The following RNF34 variants were observed in gnomAD, a reference collection of about 807,000 sequenced individuals.
RNF34 encodes the protein E3 ubiquitin-protein ligase RNF34.
RNF34 carries 12 observed loss-of-function variants against 37.9 expected under a neutral mutation model. The observed-to-expected ratio is 0.32, with a 90% confidence interval of 0.20 to 0.51. The LOEUF (loss-of-function observed/expected upper bound fraction) is 0.51, where lower values mean the gene tolerates loss of function less well. Ranked by LOEUF, RNF34 falls within the 20% of genes least tolerant of loss-of-function variation. The pLI is 0.97. For missense variants in RNF34, 362 were observed against 472.7 expected (o/e 0.77, Z 2.17); for synonymous variants, 155 against 177.2 (o/e 0.87, Z 1.00).
At chr12:121,400,455 C>T (rs1462795844) in intron 1 of RNF34, among the ~76,000 whole-genome samples, 1 of 152,212 alleles carries the variant, frequency 6.6e-6, no homozygotes, top group African/African-American at 2.4e-5. Context: ...GGGGAGAAGC[C>T]GGGCGTCCCT....
At chr12:121,405,415 G>C (rs1555280544) in intron 1 of RNF34, among the ~76,000 whole-genome samples, 1 of 151,960 alleles carries the variant, frequency 6.6e-6, no homozygotes, top group Non-Finnish European at 1.5e-5. Context: ...CTTGGCTACA[G>C]AGCTAAGGTT....
intron 1 of RNF34, 108 bp downstream of exon 1, chr12:121,400,326 C>G (rs1869849264): frequency 7.5e-7 from 1 of 1,329,760 alleles, no homozygotes; most frequent in Non-Finnish European, 1.0e-6. Context: ...GTCGTCATCT[C>G]GGAGAGCTGC....
chr12:121,402,693 A>G, intron 1 of RNF34: 5 of 1,213,058 alleles, frequency 4.1e-6, no homozygotes, highest in African/African-American at 1.5e-5. Flanking sequence ...TATCAAGGAG[A>G]AAGTAATCTA....
rs539519797 is a variant in RNF34, at chr12:121,423,238, A to G, written c.929-148A>G. 15 of 580,428 alleles carry G rather than the reference A, an allele frequency of 2.6e-5. No homozygotes were observed. In the South Asian group the frequency reaches 3.3e-4, roughly 13 times the overall value. 36.0% of individuals were successfully genotyped at this position (580,428 alleles called of 1,614,324 possible). On this transcript the variant is annotated intron_variant, in intron 5 of 5. Coordinates refer to ENST00000361234, the MANE Select transcript of RNF34 (RefSeq NM_025126.4). This position sits in a 1 kb window ranked among gnomAD's most constrained non-coding sequence, Gnocchi z 4.3. Reference sequence around the variant, plus strand: ...TAGTGGAGAGAACCAAAGTGCAGAGAAGTTGGGATTATTTCTTGTACAACA... The same window carrying G: ...TAGTGGAGAGAACCAAAGTGCAGAGGAGTTGGGATTATTTCTTGTACAACA...
At chr12:121,413,877 A>C (rs1394895156) in intron 1 of RNF34, among the ~76,000 whole-genome samples, 3 of 152,012 alleles carry the variant, frequency 2.0e-5, no homozygotes, top group Non-Finnish European at 4.4e-5. Flanking sequence ...GCCCGGCTTC[A>C]CCTGACTTTT....
chr12:121,412,126 A>G (rs1355793691), intron 1 of RNF34, among the ~76,000 whole-genome samples: 3 of 151,784 alleles, frequency 2.0e-5, no homozygotes, highest in African/African-American at 7.3e-5. Flanking sequence ...CAGTGGCGCA[A>G]TCTTGGCTCA....
At chr12:121,407,328 T>C (rs1593653107) in intron 1 of RNF34, among the ~76,000 whole-genome samples, 1 of 152,184 alleles carries the variant, frequency 6.6e-6, no homozygotes, top group Non-Finnish European at 1.5e-5. Flanking sequence ...TAATGGATGG[T>C]GACCCTTCCA....
intron 1 of RNF34, among the ~76,000 whole-genome samples, chr12:121,415,846 T>G (rs1321153648): frequency 6.7e-6 from 1 of 149,762 alleles, no homozygotes. Flanking sequence ...CAGTCTTTTT[T>G]TTTTTTTTTT....
intron 1 of RNF34, among the ~76,000 whole-genome samples, chr12:121,401,565 C>T (rs1555280024): frequency 6.6e-6 from 1 of 152,056 alleles, no homozygotes; most frequent in African/African-American, 2.4e-5. Flanking sequence ...CTAGAAGTAG[C>T]TTTATTTCCT....
intron 5 of RNF34, among the ~76,000 whole-genome samples, chr12:121,421,446 G>T (rs1555283392): frequency 6.7e-6 from 1 of 150,280 alleles, no homozygotes; most frequent in African/African-American, 2.4e-5. Flanking sequence ...CCAGCTACTT[G>T]GGAGGCTGAG....
At chr12:121,413,415 C>CTTTTTT (rs573738844) in intron 1 of RNF34, among the ~76,000 whole-genome samples, 1 of 130,694 alleles carries the variant, frequency 7.7e-6, no homozygotes, top group African/African-American at 3.2e-5. Flanking sequence ...TTTACCTGTC[C>CTTTTTT]TTTTTTTTTT....
chr12:121,415,284 C>A, intron 1 of RNF34: 1 of 379,660 alleles, frequency 2.6e-6, no homozygotes, highest in Non-Finnish European at 5.7e-6. Flanking sequence ...TATATTATAC[C>A]CAATTACAAA....
chr12:121,418,040 C>A, intron 3 of RNF34, 129 bp downstream of exon 3: 1 of 980,254 alleles, frequency 1.0e-6, no homozygotes, highest in Non-Finnish European at 1.5e-6. Flanking sequence ...CTTCCACACC[C>A]AGCTGAACTC....
Position 121,400,152 on chromosome 12 carries a change from G to A in RNF34, c.-61G>A. Reference sequence around the variant, plus strand: ...CCAGAGGGAAGGAGGTCGGCAGTGTGAGGAGCTGCTATGGTGCTGAGTTTC... The same window carrying A: ...CCAGAGGGAAGGAGGTCGGCAGTGTAAGGAGCTGCTATGGTGCTGAGTTTC... On this transcript the variant is annotated 5_prime_UTR_variant, in exon 1 of 6. Transcript: ENST00000361234. The A allele has an allele frequency of 1.3e-6, 2 of 1,589,260 alleles. No homozygotes were observed. Among genetic ancestry groups the A allele is most frequent in the Non-Finnish European group, 1.7e-6 (2 of 1,171,056 alleles).
In RNF34 at chr12:121,417,333, A is replaced by G. The variant is rs1871669775; in HGVS notation, c.226-171A>G. On this transcript the variant is annotated intron_variant, in intron 2 of 5. Coordinates refer to ENST00000361234, the MANE Select transcript of RNF34 (RefSeq NM_025126.4). The surrounding 1 kb of genome is among the most constrained non-coding windows in gnomAD (Gnocchi z 5.0). ...TGAATCCAGACTGCCTTGGCAATGA[A>G]TATTTTGATTTTCATGGCTTTTGAA... Among the ~76,000 whole-genome samples the G allele has an allele frequency of 6.6e-6, 1 of 152,224 alleles. No homozygotes were observed. The highest frequency in any genetic ancestry group is 6.5e-5 in the Admixed American group (1 of 15,286).
Position 121,418,022 on chromosome 12 carries a change from G to A in RNF34, c.633+111G>A, listed in dbSNP as rs571877949. 6.0e-6 allele frequency: 7 copies of A among 1,163,160 alleles called. No individual in the cohort carries two copies. In the African/African-American group the frequency reaches 1.1e-4, roughly 18 times the overall value. The allele number at this position is 1,163,160 out of a possible 1,614,324, so 72.1% of individuals were successfully genotyped here. A position where few individuals can be genotyped will look rare whatever the true frequency, so the allele number is the denominator to read the frequency against. On this transcript the variant is annotated intron_variant, in intron 3 of 5. Coordinates refer to ENST00000361234, the MANE Select transcript of RNF34 (RefSeq NM_025126.4). Reference sequence around the variant, plus strand: ...CTGATAAACTTCAAGTCATGTGCTGGAGTGAAGCTTCCACACCCAGCTGAA... The same window carrying A: ...CTGATAAACTTCAAGTCATGTGCTGAAGTGAAGCTTCCACACCCAGCTGAA...
At chr12:121,410,545 CA>C (rs59253955) in intron 1 of RNF34, among the ~76,000 whole-genome samples, 77,874 of 137,526 alleles carry the variant, frequency 0.57, 20,670 homozygotes, top group East Asian at 0.69. Flanking sequence ...TCAAAACCAC[CA>C]AAAAAAAAAA....
intron 3 of RNF34, 168 bp downstream of exon 3, chr12:121,418,079 T>G: frequency 1.4e-6 from 1 of 732,892 alleles, no homozygotes; most frequent in Non-Finnish European, 2.2e-6. Context: ...TGATGTATAG[T>G]GTCTGCTGAG....
chr12:121,416,216 A>G lies in RNF34; in HGVS notation c.64A>G (p.Thr22Ala). The change falls in exon 2 of 6, where the codon ACT becomes GCT. Residue 22 changes from threonine to alanine, a missense_variant. By Grantham distance (58) the Thr-to-Ala change is moderately conservative. Transcript: ENST00000361234. ...CCGLLNEVMG[T>A]GAVRGQQSAF... ...TGGGCTGCTGAATGAAGTCATGGGA[A>G]CTGGAGCTGTCAGGGGCCAGCAGTC... 1.2e-6 allele frequency: 2 copies of G among 1,614,052 alleles called. No homozygotes were observed. Among genetic ancestry groups the G allele is most frequent in the Non-Finnish European group, 1.7e-6 (2 of 1,179,990 alleles).
Sources: gnomAD v4.1 joint callset for allele counts (sites outside exome capture counted in the v4.1 genomes callset) on GRCh38, gnomAD v4.1.1 for gene constraint, Gnocchi (gnomAD v3.1) non-coding constraint, MANE v1.5 for transcripts, NCBI Gene and HGNC (gene_info 2026-07-23, HGNC 2026-07-21) for gene names.